Variants in PTPRD observed in about 807,000 individuals in gnomAD.
The protein encoded by PTPRD is protein tyrosine phosphatase receptor type D.
Under a neutral mutation model 214.5 loss-of-function variants are expected in PTPRD, and 34 were observed. The ratio of observed to expected loss-of-function variants is 0.16; its 90% CI spans 0.12 to 0.21. PTPRD has a LOEUF of 0.21. Ranked by LOEUF, PTPRD falls within the 10% of genes least tolerant of loss-of-function variation. PTPRD has a pLI of 1.00. For missense variants in PTPRD, 2,545 were observed against 2,398.7 expected (o/e 1.06, Z -1.27); for synonymous variants, 1,128 against 845.7 (o/e 1.33, Z -5.79).
intron 4 of PTPRD, among the ~76,000 whole-genome samples, chr9:10,008,473 A>G (rs960945199): frequency 2.6e-5 from 4 of 151,994 alleles, no homozygotes; most frequent in Admixed American, 6.6e-5. Flanking sequence ...ATGCATGTAA[A>G]TGTTAAGTCT....
chr9:8,833,922 A>T (rs534163824), intron 11 of PTPRD, among the ~76,000 whole-genome samples: 18,442 of 151,990 alleles, frequency 0.12, 1,370 homozygotes, highest in East Asian at 0.27. Context: ...ATGTATTAAA[A>T]ACACCGGGCA....
At chr9:9,339,381 G>A (rs1210878097) in intron 9 of PTPRD, among the ~76,000 whole-genome samples, 1 of 152,008 alleles carries the variant, frequency 6.6e-6, no homozygotes, top group Admixed American at 6.6e-5. Context: ...AGCTACTCGG[G>A]AGGCTGAGGC....
At chr9:10,016,856 G>A (rs535670495) in intron 4 of PTPRD, among the ~76,000 whole-genome samples, 3 of 152,084 alleles carry the variant, frequency 2.0e-5, no homozygotes, top group East Asian at 1.9e-4. Flanking sequence ...GTAGAGACAG[G>A]GTCTCGCTAT....
rs192254052 is a variant in PTPRD, at chr9:8,457,388, A to G, written c.3875+3023T>C. Among the ~76,000 whole-genome samples, 390 of 152,284 alleles carry G rather than the reference A, an allele frequency of 2.6e-3. 1 individual carries two copies. Among genetic ancestry groups the G allele is most frequent in the African/African-American group, 8.7e-3 (362 of 41,562 alleles). On this transcript the variant is annotated intron_variant, in intron 33 of 45. Transcript: ENST00000381196. ...AGAAAATTTATAACATTAAAGATAT[A>G]CCAAATATATTTTAATTTTCTGATG...
intron 11 of PTPRD, among the ~76,000 whole-genome samples, chr9:8,745,314 T>G (rs755824935): frequency 6.6e-6 from 1 of 152,204 alleles, no homozygotes; most frequent in Non-Finnish European, 1.5e-5. Flanking sequence ...TCTGACTTAC[T>G]GCAACAGAAA....
chr9:8,499,548 T>A, intron 25 of PTPRD, 99 bp downstream of exon 25: 1 of 1,264,846 alleles, frequency 7.9e-7, no homozygotes, highest in East Asian at 2.4e-5. Context: ...TGTATAGGAT[T>A]TTTTAAATGT....
chr9:8,581,801 G>A (rs1196946183), intron 14 of PTPRD, among the ~76,000 whole-genome samples: 2 of 149,168 alleles, frequency 1.3e-5, no homozygotes, highest in African/African-American at 4.9e-5. Flanking sequence ...GAGGAGAGGT[G>A]AGGGGAGGGA....
intron 3 of PTPRD, among the ~76,000 whole-genome samples, chr9:10,176,868 T>A (rs2154302447): frequency 6.6e-6 from 1 of 152,064 alleles, no homozygotes; most frequent in East Asian, 1.9e-4. Flanking sequence ...ATCAATAAAG[T>A]GAGTGGGATC....
intron 37 of PTPRD, among the ~76,000 whole-genome samples, chr9:8,387,953 T>C (rs1589261186): frequency 6.6e-6 from 1 of 152,226 alleles, no homozygotes. Flanking sequence ...ATCTTTTGAA[T>C]TGGGTTTGCA....
At chr9:8,698,567 T>C (rs1287820820) in intron 12 of PTPRD, among the ~76,000 whole-genome samples, 1 of 152,252 alleles carries the variant, frequency 6.6e-6, no homozygotes, top group Non-Finnish European at 1.5e-5. Context: ...TATCAAGGCC[T>C]ATTTAGTTTC....
intron 9 of PTPRD, among the ~76,000 whole-genome samples, chr9:9,191,101 C>T (rs555576869): frequency 1.3e-5 from 2 of 152,140 alleles, no homozygotes; most frequent in South Asian, 4.1e-4. Flanking sequence ...GGCAAGTTGC[C>T]GATTAGATTA....
chr9:10,404,460 G>A (rs1314598958), intron 2 of PTPRD, among the ~76,000 whole-genome samples: 1 of 151,606 alleles, frequency 6.6e-6, no homozygotes, highest in African/African-American at 2.4e-5. Context: ...AATGTTATTT[G>A]ATTTTTTCAA....
rs138352825 is a variant in PTPRD at position 10,420,555 on chromosome 9, CG to C, written c.-599-79539del. On this transcript the variant is annotated intron_variant, in intron 2 of 45. Transcript: ENST00000381196. ...TATTAGTCCTTTAAGGTACAAACGA[CG>C]GGGGGGCTGAAGCAGATTAAAGGGC... 7.3e-5 allele frequency among the ~76,000 whole-genome samples: 11 copies of C among 151,506 alleles called. No individual in the cohort carries two copies. The East Asian group carries it at 1.2e-3, about 16-fold the overall frequency.
chr9:10,539,553 A>T (rs2058635994), intron 2 of PTPRD, among the ~76,000 whole-genome samples: 1 of 152,090 alleles, frequency 6.6e-6, no homozygotes, highest in Admixed American at 6.6e-5. Context: ...TTCAAATCCC[A>T]ACAGTCCTTT....
intron 3 of PTPRD, among the ~76,000 whole-genome samples, chr9:10,042,217 A>G (rs1162528463): frequency 6.6e-6 from 1 of 151,982 alleles, no homozygotes; most frequent in Non-Finnish European, 1.5e-5. Flanking sequence ...CAGCTGCCAC[A>G]GGGGTCATTT....
intron 11 of PTPRD, among the ~76,000 whole-genome samples, chr9:8,821,161 G>A (rs2097053502): frequency 6.6e-6 from 1 of 152,244 alleles, no homozygotes; most frequent in East Asian, 1.9e-4. Context: ...CTTGAACTAT[G>A]GGGTTTAAGT....
intron 11 of PTPRD, among the ~76,000 whole-genome samples, chr9:8,971,842 G>A (rs2099240433): frequency 6.6e-6 from 1 of 151,170 alleles, no homozygotes; most frequent in African/African-American, 2.4e-5. Flanking sequence ...GAAAAATAAG[G>A]CCAGAAGAAT....
intron 34 of PTPRD, among the ~76,000 whole-genome samples, chr9:8,448,379 A>G (rs2095817759): frequency 6.6e-6 from 1 of 152,146 alleles, no homozygotes; most frequent in South Asian, 2.1e-4. Flanking sequence ...AGTTGCCTAT[A>G]GGCTGAAGTA....
chr9:9,619,685 A>C (rs962272172), intron 7 of PTPRD, among the ~76,000 whole-genome samples: 1 of 145,582 alleles, frequency 6.9e-6, no homozygotes, highest in African/African-American at 2.5e-5. Flanking sequence ...ATATATATTC[A>C]AATATTTCTA....
Sources: allele counts gnomAD v4.1 joint callset (sites outside exome capture counted in the v4.1 genomes callset), GRCh38; gene constraint gnomAD v4.1.1; transcripts MANE v1.5; gene names NCBI Gene and HGNC (gene_info 2026-07-23, HGNC 2026-07-21).